Variants in CBX7 observed in about 807,000 individuals in gnomAD.
CBX7 encodes the protein chromobox 7, also known as chromobox protein homolog 7.
Under a neutral mutation model 31.4 loss-of-function variants are expected in CBX7, and 14 were observed. The observed-to-expected ratio is 0.45, with a 90% CI of 0.29 to 0.70. The LOEUF (loss-of-function observed/expected upper bound fraction) is 0.70, where lower values mean the gene tolerates loss of function less well. CBX7 is among the 30% of genes least tolerant of loss of function. The probability of loss-of-function intolerance (pLI) is 0.11; values close to 1 mark genes in which losing one functional copy is unlikely to be tolerated. For missense variants in CBX7, 269 were observed against 351.9 expected (o/e 0.76, Z 1.89); for synonymous variants, 159 against 152.6 (o/e 1.04, Z -0.31).
intron 2 of CBX7, among the ~76,000 whole-genome samples, chr22:39,144,970 C>T (rs1930591744): frequency 4.6e-5 from 7 of 152,186 alleles, no homozygotes. Context: ...GTGGCCGGCC[C>T]GTGTTGGCTC....
chr22:39,152,372 T>C lies in CBX7; in HGVS notation c.69+4A>G. The C allele has an allele frequency of 7.2e-7, 1 of 1,396,608 alleles. No homozygotes were observed. 86.5% of individuals were successfully genotyped at this position (1,396,608 alleles called of 1,614,324 possible). A position where few individuals can be genotyped will look rare whatever the true frequency, so the allele number is the denominator to read the frequency against. On this transcript the variant is annotated splice_donor_region_variant and intron_variant, in intron 1 of 5. Coordinates refer to ENST00000216133, the MANE Select transcript of CBX7 (RefSeq NM_175709.5). This position sits in a 1 kb window ranked among gnomAD's most constrained non-coding sequence, Gnocchi z 4.9. ...TCCTGGGAGCCGCCCCCGGGCAGCC[T>C]CACCTTCCGCACGCGCTTCTTCCGG...
At chr22:39,149,523 G>A in intron 2 of CBX7, 3 of 539,638 alleles carry the variant, frequency 5.6e-6, no homozygotes, top group Admixed American at 3.3e-5. Context: ...AGGGAGGGGA[G>A]GAGGGAGAGC....
chr22:39,141,261 ATCGG>A, intron 3 of CBX7, 106 bp downstream of exon 3: 1 of 884,058 alleles, frequency 1.1e-6, no homozygotes, highest in Non-Finnish European at 1.8e-6. Flanking sequence ...GGCCTGCCCC[ATCGG>A]ACACCCCTGC....
intron 2 of CBX7, chr22:39,146,982 T>C (rs1013664483): frequency 2.0e-5 from 3 of 151,988 alleles, no homozygotes; most frequent in Non-Finnish European, 4.4e-5. Flanking sequence ...TTTGCTGTGC[T>C]TTCCAGAAGA....
intron 3 of CBX7, 155 bp downstream of exon 3, chr22:39,141,214 CAG>C (rs1930442885): frequency 1.7e-6 from 1 of 589,268 alleles, no homozygotes; most frequent in Admixed American, 3.0e-5. Context: ...CCCTGGGACT[CAG>C]TGCCCACCAT....
In CBX7 at chr22:39,152,468, C is replaced by CGGGGCCGGGCCGGGCCG. The variant is rs1278130026; in HGVS notation, c.-41_-25dup. 9.2e-7 allele frequency: 1 copy of CGGGGCCGGGCCGGGCCG among 1,087,674 alleles called. No individual in the cohort carries two copies. The highest frequency in any genetic ancestry group is 1.1e-6 in the Non-Finnish European group (1 of 892,562). The allele number at this position is 1,087,674 out of a possible 1,614,324, so 67.4% of individuals were successfully genotyped here. On this transcript the variant is annotated 5_prime_UTR_variant, in exon 1 of 6. Coordinates refer to ENST00000216133, the MANE Select transcript of CBX7 (RefSeq NM_175709.5). The surrounding 1 kb of genome is among the most constrained non-coding windows in gnomAD (Gnocchi z 4.9). ...ATGCGGGGCGGCGGGCGAGCGGGCC[C>CGGGGCCGGGCCGGGCCG]GGGGCCGGGCCGGGCCGGGGGCGGA...
chr22:39,149,633 G>A lies in CBX7; in HGVS notation c.113+156C>T, dbSNP rs1450033090. ...CCCTCCTGTGGTCCAGGGGGAAACT[G>A]AGGCCCAGAGAAGATGATGATTAAA... On this transcript the variant is annotated intron_variant, in intron 2 of 5. Transcript: ENST00000216133. 13 of 685,618 alleles carry A rather than the reference G, an allele frequency of 1.9e-5. No homozygotes were observed. The Admixed American group carries it at 2.9e-4, about 15-fold the overall frequency. 42.5% of individuals were successfully genotyped at this position (685,618 alleles called of 1,614,324 possible). A position where few individuals can be genotyped will look rare whatever the true frequency, so the allele number is the denominator to read the frequency against.
chr22:39,137,765 G>T (rs750616900), intron 4 of CBX7, among the ~76,000 whole-genome samples: 6 of 152,148 alleles, frequency 3.9e-5, no homozygotes, highest in African/African-American at 1.4e-4. Flanking sequence ...TACGACGTGG[G>T]TACTCCGGGA....
Position 39,152,198 on chromosome 22 carries a change from C to T in CBX7, c.69+178G>A, listed in dbSNP as rs1930883137. ...TCCTGGAGCGACAACTTTTGTTCTA[C>T]TCGCCCTACACGGTGGCAGGGAAAC... On this transcript the variant is annotated intron_variant, in intron 1 of 5. Coordinates refer to ENST00000216133, the MANE Select transcript of CBX7 (RefSeq NM_175709.5). This position sits in a 1 kb window ranked among gnomAD's most constrained non-coding sequence, Gnocchi z 4.9. 2.0e-5 allele frequency among the ~76,000 whole-genome samples: 3 copies of T among 152,158 alleles called. No homozygotes were observed. The South Asian group carries it at 6.2e-4, about 31-fold the overall frequency.
chr22:39,147,678 C>T (rs528203349), intron 2 of CBX7: 1 of 152,268 alleles, frequency 6.6e-6, no homozygotes, highest in African/African-American at 2.4e-5. Context: ...GCCTCACTCC[C>T]AGACCGTGGT....
intron 1 of CBX7, 112 bp from the exon 2 acceptor site, chr22:39,149,944 T>G: frequency 2.4e-6 from 2 of 821,924 alleles, no homozygotes; most frequent in Non-Finnish European, 4.2e-6. Flanking sequence ...TGCAGACAGG[T>G]GTCTCCCCAA....
chr22:39,134,374 A>G, intron 5 of CBX7, 27 bp downstream of exon 5: 1 of 1,562,726 alleles, frequency 6.4e-7, no homozygotes, highest in African/African-American at 1.4e-5. Context: ...TCCAGCTCTG[A>G]GGGTCTCTGG....
chr22:39,150,472 A>G (rs996086644), intron 1 of CBX7, among the ~76,000 whole-genome samples: 3 of 152,148 alleles, frequency 2.0e-5, no homozygotes, highest in Admixed American at 6.5e-5. Context: ...TCCCTTCCTC[A>G]CAGGCTTTAA....
chr22:39,151,902 T>G (rs1930870953), intron 1 of CBX7, among the ~76,000 whole-genome samples: 4 of 150,592 alleles, frequency 2.7e-5, no homozygotes, highest in African/African-American at 4.9e-5. Flanking sequence ...GGGGGCAGGA[T>G]CGGAAAAGGC....
At position 39,133,786 on chromosome 22, in the gene CBX7, A is replaced by AT. The variant is rs1302592525; in HGVS notation, c.*104dup. The AT allele has an allele frequency of 6.2e-6, 7 of 1,137,438 alleles. No individual in the cohort carries two copies. In the East Asian group the frequency reaches 8.6e-5, roughly 14 times the overall value. The allele number at this position is 1,137,438 out of a possible 1,614,324, so 70.5% of individuals were successfully genotyped here. On this transcript the variant is annotated 3_prime_UTR_variant, in exon 6 of 6. Transcript: ENST00000216133. ...ATCTTCTCCCCTTTTGCTGCTCGGT[A>AT]TTTTTTTAAATAAAATAATTACCCC... is the stretch of plus-strand genomic sequence containing the variant.
chr22:39,138,765 G>T, intron 3 of CBX7, 63 bp from the exon 4 acceptor site: 1 of 1,502,272 alleles, frequency 6.7e-7, no homozygotes, highest in Non-Finnish European at 9.3e-7. Context: ...GGAAGGGAAG[G>T]CATCCGCTTC....
At chr22:39,142,613 T>C (rs1930500595) in intron 2 of CBX7, among the ~76,000 whole-genome samples, 2 of 152,274 alleles carry the variant, frequency 1.3e-5, no homozygotes, top group South Asian at 4.1e-4. Context: ...CTCGTTCCAC[T>C]AGCACTCCTG....
chr22:39,134,928 C>G (rs1930199678), intron 4 of CBX7, 176 bp from the exon 5 acceptor site: 10 of 580,330 alleles, frequency 1.7e-5, no homozygotes, highest in Non-Finnish European at 2.7e-5. Flanking sequence ...AGAGTGCGCC[C>G]CGGGCAACCC....
In CBX7 at chr22:39,134,723, G is replaced by T; in HGVS notation, c.276C>A (p.Ser92=). ...GCTTCTCCTTGCCCTTGGCCTTGTG[G>T]GAGCTCCGCAGGTCCATGCTGTACA... ...QRLYSMDLRS[S]HKAKGKEKLC... Residue 92 remains serine (S), a synonymous_variant, in exon 5 of 6, where the codon TCC becomes TCA. Transcript: ENST00000216133. 1 of 1,563,850 alleles carries T rather than the reference G, an allele frequency of 6.4e-7. No homozygotes were observed.
Sources: allele counts gnomAD v4.1 joint callset (sites outside exome capture counted in the v4.1 genomes callset), GRCh38; gene constraint gnomAD v4.1.1; non-coding constraint Gnocchi (gnomAD v3.1); transcripts MANE v1.5; gene names NCBI Gene and HGNC (gene_info 2026-07-23, HGNC 2026-07-21).